Variants in IL23R observed in about 807,000 individuals in gnomAD.
The protein encoded by IL23R is interleukin 23 receptor.
A neutral mutation model predicts 56.9 loss-of-function variants in IL23R; 34 were observed. That is an observed-to-expected ratio of 0.60 (90% CI 0.45 to 0.80). IL23R has a LOEUF of 0.80. Ranked by LOEUF, IL23R falls within the 30% of genes least tolerant of loss-of-function variation. The pLI is 0.00. For missense variants in IL23R, 635 were observed against 730.0 expected (o/e 0.87, Z 1.50); for synonymous variants, 230 against 249.2 (o/e 0.92, Z 0.73).
chr1:67,181,048 T>G (rs1197912168), intron 3 of IL23R, among the ~76,000 whole-genome samples: 1 of 152,202 alleles, frequency 6.6e-6, no homozygotes, highest in African/African-American at 2.4e-5. Context: ...TGGCTGTGCT[T>G]AACATTTTTT....
chr1:67,259,276 G>A lies in IL23R; in HGVS notation c.*148G>A. On this transcript the variant is annotated 3_prime_UTR_variant, in exon 11 of 11. Transcript: ENST00000347310. The stretch of plus-strand genomic sequence containing the variant: ...TGGACACATGTTTTCATTTCCCTTG[G>A]ATAAATACCTAGGTAGGGGATTGCT... 2 of 767,798 alleles carry A rather than the reference G, an allele frequency of 2.6e-6. No homozygotes were observed. The highest frequency in any genetic ancestry group is 4.4e-6 in the Non-Finnish European group (2 of 456,538). The allele number at this position is 767,798 out of a possible 1,614,324, so 47.6% of individuals were successfully genotyped here.
chr1:67,197,883 C>A (rs1444501069), intron 4 of IL23R, among the ~76,000 whole-genome samples: 1 of 151,918 alleles, frequency 6.6e-6, no homozygotes, highest in Non-Finnish European at 1.5e-5. Flanking sequence ...CTGCAGTGAG[C>A]TGTGGCCATA....
intron 6 of IL23R, among the ~76,000 whole-genome samples, chr1:67,209,355 G>T (rs868072882): frequency 5.3e-5 from 8 of 152,264 alleles, no homozygotes; most frequent in Non-Finnish European, 7.4e-5. Flanking sequence ...ACATGGTTTT[G>T]CTGTGCCCCC....
Position 67,169,526 on chromosome 1 carries a change from T to A in IL23R, c.255T>A (p.Ala85=), listed in dbSNP as rs1193355051. The A allele has an allele frequency of 4.3e-6, 7 of 1,613,828 alleles. No individual in the cohort carries two copies. The highest frequency in any genetic ancestry group is 5.9e-6 in the Non-Finnish European group (7 of 1,179,778). ...TCACAAGGATTAATAAAACAACAGC[T>A]CGGCTTTGGTATAAAAACTTTCTGG... The part of the protein sequence containing the change: ...FQITRINKTT[A]RLWYKNFLEP... The change falls in exon 3 of 11, where the codon GCT becomes GCA. Residue 85 remains alanine, a synonymous_variant. Coordinates refer to ENST00000347310, the MANE Select transcript of IL23R (RefSeq NM_144701.3).
chr1:67,157,508 G>A (rs1026783676), intron 1 of IL23R, among the ~76,000 whole-genome samples: 2 of 152,164 alleles, frequency 1.3e-5, no homozygotes, highest in South Asian at 2.1e-4. Flanking sequence ...CTTCACTGCA[G>A]TTACGTCTCT....
intron 9 of IL23R, among the ~76,000 whole-genome samples, chr1:67,250,206 G>A (rs1652519408): frequency 6.6e-6 from 1 of 152,112 alleles, no homozygotes; most frequent in African/African-American, 2.4e-5. Flanking sequence ...ATGTTGTAAT[G>A]GTAACTGTTA....
At chr1:67,205,887 CT>C (rs893397897) in intron 5 of IL23R, among the ~76,000 whole-genome samples, 1 of 111,320 alleles carries the variant, frequency 9.0e-6, no homozygotes, top group Non-Finnish European at 2.0e-5. Flanking sequence ...TTCTTTCTTT[CT>C]TTCTTTCTTT....
chr1:67,205,712 T>G (rs1445765480), intron 5 of IL23R, among the ~76,000 whole-genome samples: 1 of 152,126 alleles, frequency 6.6e-6, no homozygotes, highest in Non-Finnish European at 1.5e-5. Flanking sequence ...AGCCTTAGAG[T>G]CTTATGAGAT....
intron 7 of IL23R, among the ~76,000 whole-genome samples, chr1:67,227,953 T>G (rs1460651986): frequency 1.3e-4 from 1 of 7,610 alleles, no homozygotes; most frequent in African/African-American, 2.4e-4. Flanking sequence ...TTTCTTTCTT[T>G]CTTTCTTTCT....
chr1:67,174,733 T>C (rs899872149), intron 3 of IL23R, among the ~76,000 whole-genome samples: 3 of 152,194 alleles, frequency 2.0e-5, no homozygotes, highest in Admixed American at 6.6e-5. Flanking sequence ...GGTGTCATTC[T>C]ATAGTTGTTG....
chr1:67,158,607 G>A (rs116152873), intron 1 of IL23R, among the ~76,000 whole-genome samples: 2,119 of 152,240 alleles, frequency 0.014, 47 homozygotes, highest in African/African-American at 0.048. Context: ...AAACTGACAT[G>A]GCATGCTGGT....
At chr1:67,221,629 A>G (rs894355631) in intron 7 of IL23R, among the ~76,000 whole-genome samples, 15 of 152,228 alleles carry the variant, frequency 9.9e-5, no homozygotes, top group African/African-American at 3.4e-4. Flanking sequence ...GGCCCCATTA[A>G]CCTAAAGATG....
chr1:67,173,367 A>C (rs1202439787), intron 3 of IL23R, among the ~76,000 whole-genome samples: 2 of 152,176 alleles, frequency 1.3e-5, no homozygotes, highest in Non-Finnish European at 2.9e-5. Flanking sequence ...CTTCATGTAG[A>C]TGCCGTGGAG....
intron 1 of IL23R, among the ~76,000 whole-genome samples, chr1:67,158,424 C>T (rs1329861176): frequency 6.6e-6 from 1 of 152,074 alleles, no homozygotes; most frequent in African/African-American, 2.4e-5. Flanking sequence ...TGGAGAAGGG[C>T]TATTCCATAG....
chr1:67,148,362 G>A (rs1432511796), intron 1 of IL23R, among the ~76,000 whole-genome samples: 4 of 152,344 alleles, frequency 2.6e-5, no homozygotes, highest in Middle Eastern at 3.4e-3. Context: ...GACCCAAAGG[G>A]GGTTTCCCCT....
intron 1 of IL23R, among the ~76,000 whole-genome samples, chr1:67,154,615 T>A (rs562412901): frequency 3.6e-4 from 55 of 152,174 alleles, no homozygotes; most frequent in African/African-American, 1.3e-3. Flanking sequence ...ATTATTTATT[T>A]TTTATTTTTT....
At chr1:67,214,435 A>T (rs1177250975) in intron 6 of IL23R, among the ~76,000 whole-genome samples, 1 of 152,204 alleles carries the variant, frequency 6.6e-6, no homozygotes, top group African/African-American at 2.4e-5. Flanking sequence ...ACTACCTGTC[A>T]CAAAGGATTG....
chr1:67,174,308 C>T (rs1382030062), intron 3 of IL23R, among the ~76,000 whole-genome samples: 2 of 151,470 alleles, frequency 1.3e-5, no homozygotes, highest in Non-Finnish European at 2.9e-5. Context: ...TCCACTCCAA[C>T]ACTGTGTACT....
rs1302465179 is a variant in IL23R, at chr1:67,200,825, GT to G, written c.583del (p.Trp195GlyfsTer8). The G allele has an allele frequency of 6.2e-7, 1 of 1,614,086 alleles. No individual in the cohort carries two copies. The highest frequency in any genetic ancestry group is 1.1e-5 in the South Asian group (1 of 91,076). On this transcript the variant is annotated frameshift_variant, in exon 5 of 11. Coordinates refer to ENST00000347310, the MANE Select transcript of IL23R (RefSeq NM_144701.3). LOFTEE classifies it high-confidence loss of function. Reference protein sequence around the residue: ...DSLQGGKKYLVWVQAANALGM... With the variant: ...DSLQGGKKYLXWVQAANALGM... ...ATTACAAGGTGGCAAGAAGTACTTG[GT>G]TTGGGTCCAAGCAGCAAACGCACTA...
Sources: gnomAD v4.1 joint callset for allele counts (sites outside exome capture counted in the v4.1 genomes callset) on GRCh38, gnomAD v4.1.1 for gene constraint, MANE v1.5 for transcripts, NCBI Gene and HGNC (gene_info 2026-07-23, HGNC 2026-07-21) for gene names.